The following NEIL3 variants were observed in gnomAD, a reference collection of about 807,000 sequenced individuals.
NEIL3 encodes the protein endonuclease 8-like 3.
Under a neutral mutation model 57.5 loss-of-function variants are expected in NEIL3, and 48 were observed. The observed-to-expected ratio is 0.83, with a 90% confidence interval of 0.66 to 1.06. The LOEUF (loss-of-function observed/expected upper bound fraction) is 1.06, where lower values mean the gene tolerates loss of function less well. Among genes scored for constraint, NEIL3 ranks in the 50% least tolerant of loss-of-function variants. The probability of loss-of-function intolerance (pLI) is 0.00; values close to 1 mark genes in which losing one functional copy is unlikely to be tolerated. For missense variants in NEIL3, 717 were observed against 739.1 expected, an observed-to-expected ratio of 0.97 and a Z score of 0.35; for synonymous variants, 261 against 253.2, an observed-to-expected ratio of 1.03 and a Z score of -0.29.
In NEIL3 at chr4:177,335,922, T is replaced by G. The variant is rs538928193; in HGVS notation, c.413+100T>G. ...AAGAAACAAATAAATAAAGAGTTTGTAATTGATGAAACCTCATTTTAAAGA... is the reference window on the plus strand; with the variant it reads ...AAGAAACAAATAAATAAAGAGTTTGGAATTGATGAAACCTCATTTTAAAGA... On this transcript the variant is annotated intron_variant, in intron 3 of 9. Transcript: ENST00000264596. The G allele has an allele frequency of 2.4e-6, 3 of 1,226,070 alleles. No individual in the cohort carries two copies. In the South Asian group the frequency reaches 4.9e-5, roughly 20 times the overall value. 75.9% of individuals were successfully genotyped at this position (1,226,070 alleles called of 1,614,324 possible).
At chr4:177,334,537 G>A (rs1315169783) in intron 2 of NEIL3, among the ~76,000 whole-genome samples, 4 of 152,106 alleles carry the variant, frequency 2.6e-5, no homozygotes, top group African/African-American at 9.7e-5. Flanking sequence ...AAAGATTTTA[G>A]ATATGATGGC....
chr4:177,360,633 T>G lies in NEIL3; in HGVS notation c.1591T>G (p.Tyr531Asp), dbSNP rs1735590149. ...KDGENKGRQF[Y>D]ACPLPREAQC... Reference sequence around the variant, plus strand: ...TGGGGAAAACAAGGGCAGGCAGTTTTATGCCTGTCCTCTACCTAGAGAAGC... The same window carrying G: ...TGGGGAAAACAAGGGCAGGCAGTTTGATGCCTGTCCTCTACCTAGAGAAGC... The change falls in exon 9 of 10, where the codon TAT (tyrosine) becomes GAT (aspartate). Residue 531 changes from tyrosine (Y) to aspartate (D), a missense_variant. Coordinates refer to ENST00000264596, the MANE Select transcript of NEIL3 (RefSeq NM_018248.3). The G allele has an allele frequency of 2.5e-6, 4 of 1,613,822 alleles. No homozygotes were observed. Among genetic ancestry groups the G allele is most frequent in the Admixed American group, 1.7e-5 (1 of 60,004 alleles).
At chr4:177,351,869 A>G (rs896480662) in intron 7 of NEIL3, among the ~76,000 whole-genome samples, 5 of 152,220 alleles carry the variant, frequency 3.3e-5, no homozygotes, top group Non-Finnish European at 7.3e-5. Context: ...GATTTCAGCA[A>G]CTTTCGAGTT....
At chr4:177,331,083 G>A (rs1411884511) in intron 2 of NEIL3, among the ~76,000 whole-genome samples, 1 of 152,100 alleles carries the variant, frequency 6.6e-6, no homozygotes, top group African/African-American at 2.4e-5. Flanking sequence ...CAGATTCCTT[G>A]AAAGACACAA....
intron 6 of NEIL3, 32 bp downstream of exon 6, chr4:177,341,674 G>A (rs1050757060): frequency 1.3e-6 from 2 of 1,576,320 alleles, no homozygotes; most frequent in Admixed American, 1.7e-5. Context: ...GATACCATTT[G>A]CCCTAACCAT....
Position 177,335,752 on chromosome 4 carries a change from G to A in NEIL3, c.343G>A (p.Ala115Thr), listed in dbSNP as rs199732227. Reference sequence around the variant, plus strand: ...ACTTGAGTATAAATATAAAAATGGAGCTTCTCCTGTTTTGGAAGTGCAGCT... The same window carrying A: ...ACTTGAGTATAAATATAAAAATGGAACTTCTCCTGTTTTGGAAGTGCAGCT... ...NPLEYKYKNG[A>T]SPVLEVQLTK... Residue 115 changes from alanine to threonine, a missense_variant, in exon 3 of 10, where the codon GCT becomes ACT. By Grantham distance (58) the Ala-to-Thr change is moderately conservative (BLOSUM62 0). Coordinates refer to ENST00000264596, the MANE Select transcript of NEIL3 (RefSeq NM_018248.3). 182 of 1,595,632 alleles carry A rather than the reference G, an allele frequency of 1.1e-4. No homozygotes were observed. Among genetic ancestry groups the A allele is most frequent in the Non-Finnish European group, 1.5e-4 (180 of 1,172,818 alleles).
chr4:177,361,826 A>G (rs569203993), intron 9 of NEIL3, among the ~76,000 whole-genome samples: 8 of 151,946 alleles, frequency 5.3e-5, no homozygotes, highest in East Asian at 3.9e-4. Flanking sequence ...GGGTCTCCCT[A>G]TGTTGCCCAG....
At chr4:177,329,521 G>C (rs936711453) in intron 2 of NEIL3, among the ~76,000 whole-genome samples, 2 of 152,070 alleles carry the variant, frequency 1.3e-5, no homozygotes, top group Non-Finnish European at 2.9e-5. Flanking sequence ...AAAAGATTAA[G>C]GGGTTAATTC....
chr4:177,352,778 C>G (rs561888084), intron 7 of NEIL3, among the ~76,000 whole-genome samples: 63 of 151,218 alleles, frequency 4.2e-4, no homozygotes, highest in African/African-American at 1.5e-3. Context: ...TGCAGTGAGC[C>G]GAGATCGCGC....
chr4:177,352,437 G>A (rs1436436355), intron 7 of NEIL3, among the ~76,000 whole-genome samples: 1 of 152,110 alleles, frequency 6.6e-6, no homozygotes, highest in Non-Finnish European at 1.5e-5. Flanking sequence ...TCTTGTTAAT[G>A]TTTCTGAGTC....
At chr4:177,347,364 G>A (rs997331710) in intron 6 of NEIL3, among the ~76,000 whole-genome samples, 3 of 152,144 alleles carry the variant, frequency 2.0e-5, no homozygotes, top group Non-Finnish European at 4.4e-5. Context: ...ATGCAGAGTC[G>A]GCTTGGCCAA....
At chr4:177,365,894 A>G (rs897287093), downstream of NEIL3, among the ~76,000 whole-genome samples, 10 of 152,202 alleles carry the variant, frequency 6.6e-5, no homozygotes, top group African/African-American at 2.2e-4. Context: ...TATAATACCT[A>G]TACTATTCAG....
At chr4:177,362,173 A>G (rs1487790428) in intron 9 of NEIL3, 116 bp from the exon 10 acceptor site, 1 of 612,702 alleles carries the variant, frequency 1.6e-6, no homozygotes, top group African/African-American at 1.9e-5. Flanking sequence ...TTACAATGTC[A>G]AATTAATGAT....
chr4:177,331,201 A>G (rs1376990855), intron 2 of NEIL3, among the ~76,000 whole-genome samples: 1 of 152,116 alleles, frequency 6.6e-6, no homozygotes, highest in Admixed American at 6.6e-5. Flanking sequence ...AACCCCAGGC[A>G]TATTTAAGGA....
At chr4:177,334,196 C>T (rs1734934040) in intron 2 of NEIL3, among the ~76,000 whole-genome samples, 1 of 149,960 alleles carries the variant, frequency 6.7e-6, no homozygotes, top group Non-Finnish European at 1.5e-5. Flanking sequence ...GTTTACTGTG[C>T]CTCAAATATT....
intron 7 of NEIL3, 137 bp downstream of exon 7, chr4:177,351,686 A>T: frequency 1.4e-6 from 1 of 704,622 alleles, no homozygotes; most frequent in South Asian, 1.9e-5. Flanking sequence ...AGGAATTGCC[A>T]GTTTTCACAT....
intron 6 of NEIL3, among the ~76,000 whole-genome samples, chr4:177,345,037 GAC>G (rs1454657637): frequency 6.6e-6 from 1 of 152,140 alleles, no homozygotes; most frequent in East Asian, 1.9e-4. Context: ...GGAATACAAA[GAC>G]AAAATAGAAC....
At chr4:177,361,029 T>G (rs146763467) in intron 9 of NEIL3, among the ~76,000 whole-genome samples, 48 of 152,312 alleles carry the variant, frequency 3.2e-4, no homozygotes, top group African/African-American at 1.1e-3. Flanking sequence ...CTTCCTAACT[T>G]CAGCGCTACA....
intron 4 of NEIL3, among the ~76,000 whole-genome samples, chr4:177,338,880 G>T (rs903540298): frequency 1.3e-5 from 2 of 151,686 alleles, no homozygotes; most frequent in African/African-American, 4.8e-5. Flanking sequence ...AGTCCAGCAA[G>T]ACTTCTCAAG....
Sources: allele counts gnomAD v4.1 joint callset (sites outside exome capture counted in the v4.1 genomes callset), GRCh38; gene constraint gnomAD v4.1.1; transcripts MANE v1.5; gene names NCBI Gene and HGNC (gene_info 2026-07-23, HGNC 2026-07-21).